The following PCDH7 variants were observed in gnomAD, a reference collection of about 807,000 sequenced individuals.
PCDH7 encodes protocadherin 7, also known as protocadherin-7.
Under a neutral mutation model 58.9 loss-of-function variants are expected in PCDH7, and 17 were observed. That is an observed-to-expected ratio of 0.29 (90% CI 0.20 to 0.43). PCDH7 has a LOEUF of 0.43. Ranked by LOEUF, PCDH7 falls within the 20% of genes least tolerant of loss-of-function variation. PCDH7 has a pLI of 1.00. For missense variants in PCDH7, 1,274 were observed against 1,441.0 expected (o/e 0.88, Z 1.88); for synonymous variants, 664 against 616.4 (o/e 1.08, Z -1.14).
intron 1 of PCDH7, among the ~76,000 whole-genome samples, chr4:30,745,179 T>C (rs143770862): frequency 2.6e-4 from 39 of 152,256 alleles, no homozygotes; most frequent in African/African-American, 9.4e-4. Context: ...CTTTGAAGAG[T>C]ACAATTCATC....
At chr4:30,828,942 T>C (rs1729441219) in intron 1 of PCDH7, among the ~76,000 whole-genome samples, 1 of 152,126 alleles carries the variant, frequency 6.6e-6, no homozygotes, top group African/African-American at 2.4e-5. Flanking sequence ...ATAAAAGCTT[T>C]AATGGTCTGT....
At chr4:30,907,671 C>T (rs920777481) in intron 1 of PCDH7, among the ~76,000 whole-genome samples, 2 of 152,132 alleles carry the variant, frequency 1.3e-5, no homozygotes, top group African/African-American at 4.8e-5. Context: ...ATTAGTTCAA[C>T]CACTGTGGAA....
At chr4:30,782,722 G>T (rs892808094) in intron 1 of PCDH7, among the ~76,000 whole-genome samples, 1 of 152,216 alleles carries the variant, frequency 6.6e-6, no homozygotes, top group Non-Finnish European at 1.5e-5. Flanking sequence ...TCATAGAAAA[G>T]TATGATTGGA....
intron 3 of PCDH7, among the ~76,000 whole-genome samples, chr4:31,099,683 C>G (rs1256548412): frequency 1.3e-5 from 2 of 152,096 alleles, no homozygotes; most frequent in Non-Finnish European, 2.9e-5. Context: ...TGAAATTGAG[C>G]CCCTGAGAAC....
At chr4:30,746,821 C>A (rs1285778610) in intron 1 of PCDH7, among the ~76,000 whole-genome samples, 1 of 152,076 alleles carries the variant, frequency 6.6e-6, no homozygotes, top group African/African-American at 2.4e-5. Context: ...CCTTTTCAAT[C>A]ATTTCACTTC....
intron 1 of PCDH7, among the ~76,000 whole-genome samples, chr4:30,852,119 T>C (rs1262296663): frequency 6.6e-6 from 1 of 152,132 alleles, no homozygotes; most frequent in Non-Finnish European, 1.5e-5. Flanking sequence ...GTAAGAAGGA[T>C]TGTAATATAA....
chr4:30,951,615 T>C (rs568034217), intron 3 of PCDH7, among the ~76,000 whole-genome samples: 13 of 152,280 alleles, frequency 8.5e-5, no homozygotes, highest in Admixed American at 7.8e-4. Context: ...CAAAAAATAA[T>C]AACAGCAACC....
intron 3 of PCDH7, among the ~76,000 whole-genome samples, chr4:31,070,244 T>A (rs16884313): frequency 0.025 from 3,842 of 152,124 alleles, 136 homozygotes; most frequent in African/African-American, 0.085. Context: ...TATAGTAGGA[T>A]TTATCGATTG....
At chr4:31,127,783 T>C (rs1450340660) in intron 3 of PCDH7, among the ~76,000 whole-genome samples, 1 of 152,036 alleles carries the variant, frequency 6.6e-6, no homozygotes, top group Non-Finnish European at 1.5e-5. Context: ...CAGCTAAAAG[T>C]AAAATTTAAA....
At chr4:30,983,045 C>G (rs1166404660) in intron 3 of PCDH7, among the ~76,000 whole-genome samples, 3 of 152,124 alleles carry the variant, frequency 2.0e-5, no homozygotes, top group African/African-American at 7.2e-5. Context: ...CTACTCTTAC[C>G]TGGACATCAC....
In PCDH7 at chr4:30,886,710, C is replaced by T. The variant is rs1328794953; in HGVS notation, c.71-33443C>T. Among the ~76,000 whole-genome samples the T allele has an allele frequency of 4.0e-5, 6 of 151,688 alleles. No individual in the cohort carries two copies. In the East Asian group the frequency reaches 1.2e-3, roughly 30 times the overall value. On this transcript the variant is annotated intron_variant, in intron 1 of 3. Coordinates refer to the PCDH7 transcript ENST00000509759. ...GCGGCATTATTCACAATAGCAAAGA[C>T]TTGGAACCAACTCAAACGTCCAACA...
chr4:31,106,086 G>A lies in PCDH7; in HGVS notation c.*8-36387G>A, dbSNP rs115539463. Among the ~76,000 whole-genome samples, 1,425 of 151,712 alleles carry A rather than the reference G, an allele frequency of 9.4e-3. 13 individuals are homozygous for A. The highest frequency in any genetic ancestry group is 0.015 in the Non-Finnish European group (1,033 of 67,922). On this transcript the variant is annotated intron_variant, in intron 3 of 3. Coordinates refer to the PCDH7 transcript ENST00000509759. ...CAGTATTGTATGTAACAGGAGTATT[G>A]TATTAACTTTATGGTTTTTGAAACA... is the stretch of plus-strand genomic sequence containing the variant.
chr4:31,088,071 G>A lies in PCDH7; in HGVS notation c.*8-54402G>A, dbSNP rs181810761. ...AATCACTCAGTTAGTAAATTGATTC[G>A]AAATTGGAACCCTTTCTCCAGATTC... On this transcript the variant is annotated intron_variant, in intron 3 of 3. Transcript: ENST00000509759. 1.2e-3 allele frequency among the ~76,000 whole-genome samples: 189 copies of A among 152,036 alleles called. 3 individuals carry two copies. The highest frequency in any genetic ancestry group is 4.2e-3 in the African/African-American group (176 of 41,510).
At chr4:30,908,575 T>C (rs7665348) in intron 1 of PCDH7, among the ~76,000 whole-genome samples, 105,562 of 151,930 alleles carry the variant, frequency 0.69, 36,925 homozygotes, top group African/African-American at 0.79. Context: ...ACTCCCAAGA[T>C]TAAACCAGGA....
intron 1 of PCDH7, among the ~76,000 whole-genome samples, chr4:30,824,078 CTT>C (rs1429608237): frequency 1.3e-3 from 191 of 146,062 alleles, no homozygotes; most frequent in African/African-American, 4.6e-3. Context: ...AGCGGGGTTT[CTT>C]TTCTTTCTTT....
chr4:30,938,598 A>G (rs4692492), intron 2 of PCDH7, among the ~76,000 whole-genome samples: 151,701 of 152,230 alleles, frequency 1, 75,588 homozygotes, highest in East Asian at 1. Flanking sequence ...TATCCTTTCC[A>G]AAAGATTTTA....
chr4:30,976,852 G>T (rs574809059), intron 3 of PCDH7, among the ~76,000 whole-genome samples: 3 of 152,184 alleles, frequency 2.0e-5, no homozygotes, highest in East Asian at 3.9e-4. Flanking sequence ...TATGCCACCT[G>T]ATTTTTCAGG....
intron 1 of PCDH7, among the ~76,000 whole-genome samples, chr4:30,837,268 A>G (rs777500932): frequency 6.6e-6 from 1 of 152,062 alleles, no homozygotes; most frequent in Non-Finnish European, 1.5e-5. Context: ...GTGTGTGGTA[A>G]TGCCCTTTTA....
At chr4:30,787,147 T>C (rs1424253920) in intron 1 of PCDH7, among the ~76,000 whole-genome samples, 1 of 152,038 alleles carries the variant, frequency 6.6e-6, no homozygotes, top group African/African-American at 2.4e-5. Context: ...CAGTTTGCAC[T>C]TGAATGGACT....
Sources: allele counts gnomAD v4.1 joint callset (sites outside exome capture counted in the v4.1 genomes callset), GRCh38; gene constraint gnomAD v4.1.1; transcripts MANE v1.5; gene names NCBI Gene and HGNC (gene_info 2026-07-23, HGNC 2026-07-21).